The following APAF1 variants were observed in gnomAD, a reference collection of about 807,000 sequenced individuals.
APAF1 encodes the protein apoptotic protease-activating factor 1.
APAF1 carries 91 observed loss-of-function variants against 152.4 expected under a neutral mutation model. The ratio of observed to expected loss-of-function variants is 0.60; its 90% CI spans 0.50 to 0.71. The LOEUF (loss-of-function observed/expected upper bound fraction) is 0.71. Among genes scored for constraint, APAF1 ranks in the 30% least tolerant of loss-of-function variants. The pLI is 0.00. For missense variants in APAF1, 1,283 were observed against 1,472.0 expected, an observed-to-expected ratio of 0.87 and a Z score of 2.10; for synonymous variants, 484 against 494.1, an observed-to-expected ratio of 0.98 and a Z score of 0.27.
chr12:98,714,324 T>C (rs931072106), intron 21 of APAF1, among the ~76,000 whole-genome samples: 1 of 152,246 alleles, frequency 6.6e-6, no homozygotes, highest in Non-Finnish European at 1.5e-5. Flanking sequence ...ATGAACCATG[T>C]GAAATTACCA....
chr12:98,735,101 A>T lies in APAF1; in HGVS notation c.*2535A>T. On this transcript the variant is annotated 3_prime_UTR_variant, in exon 27 of 27. Transcript: ENST00000551964. ...TGTCTTAAAAGAAAAATGGGAAGAAAGACAAGGTAACATGAAGAAAGAAGA... is the reference window on the plus strand; with the variant it reads ...TGTCTTAAAAGAAAAATGGGAAGAATGACAAGGTAACATGAAGAAAGAAGA... 2 of 398,444 alleles carry T rather than the reference A, an allele frequency of 5.0e-6. No individual in the cohort carries two copies. 24.7% of individuals were successfully genotyped at this position (398,444 alleles called of 1,614,324 possible). A position where few individuals can be genotyped will look rare whatever the true frequency, so the allele number is the denominator to read the frequency against.
intron 24 of APAF1, among the ~76,000 whole-genome samples, chr12:98,724,509 C>T (rs967540325): frequency 6.6e-6 from 1 of 152,198 alleles, no homozygotes; most frequent in Non-Finnish European, 1.5e-5. Context: ...TACTTTCCAA[C>T]TTCATCTTTT....
intron 16 of APAF1, among the ~76,000 whole-genome samples, chr12:98,696,891 G>GA (rs573847110): frequency 2.0e-5 from 3 of 151,992 alleles, no homozygotes; most frequent in South Asian, 2.1e-4. Context: ...CCCTGAAAAA[G>GA]AAAAAAGTAT....
intron 16 of APAF1, among the ~76,000 whole-genome samples, chr12:98,693,193 A>T (rs1321594915): frequency 2.0e-5 from 3 of 152,028 alleles, no homozygotes; most frequent in Non-Finnish European, 4.4e-5. Flanking sequence ...TGGCTACTGT[A>T]AATGGGATTG....
At chr12:98,712,038 A>G (rs2097728410) in intron 20 of APAF1, among the ~76,000 whole-genome samples, 1 of 152,212 alleles carries the variant, frequency 6.6e-6, no homozygotes, top group African/African-American at 2.4e-5. Flanking sequence ...TACAAATCAG[A>G]TAGATGTGTC....
chr12:98,658,580 C>G (rs932963370), intron 4 of APAF1, among the ~76,000 whole-genome samples: 2 of 152,184 alleles, frequency 1.3e-5, no homozygotes, highest in East Asian at 3.8e-4. Context: ...AGACTTGAGT[C>G]TAACTTCCTA....
intron 26 of APAF1, among the ~76,000 whole-genome samples, chr12:98,729,302 G>C (rs2097756435): frequency 6.6e-6 from 1 of 152,196 alleles, no homozygotes; most frequent in South Asian, 2.1e-4. Context: ...CCACAGATGG[G>C]GTGGTGGTAG....
chr12:98,671,226 T>A (rs1284049459), intron 11 of APAF1, 140 bp downstream of exon 11: 1 of 677,494 alleles, frequency 1.5e-6, no homozygotes, highest in Non-Finnish European at 2.5e-6. Flanking sequence ...GTTATTCTAA[T>A]TAATTTGCTT....
Position 98,683,189 on chromosome 12 carries a change from A to T in APAF1, c.2093A>T (p.His698Leu). 1 of 1,613,606 alleles carries T rather than the reference A, an allele frequency of 6.2e-7. No homozygotes were observed. The highest frequency in any genetic ancestry group is 8.5e-7 in the Non-Finnish European group (1 of 1,179,624). ...TGELVHTYDE[H>L]SEQVNCCHFT... ...GAACTAGTACACACCTATGATGAGC[A>T]CTCAGAGCAAGTCAATTGCTGCCAT... The change falls in exon 15 of 27, where the codon CAC becomes CTC. Residue 698 changes from histidine (H) to leucine (L), a missense_variant. By Grantham distance (99) the His-to-Leu change is moderately conservative. Coordinates refer to ENST00000551964, the MANE Select transcript of APAF1 (RefSeq NM_181861.2).
chr12:98,732,695 GT>G lies in APAF1; in HGVS notation c.*132del. ...GCAGTATTGCATTCATTACAAAAGT[GT>G]TTGTGGTTGGATGAATAATATTAAT... On this transcript the variant is annotated 3_prime_UTR_variant, in exon 27 of 27. Transcript: ENST00000551964. The G allele has an allele frequency of 1.5e-6, 1 of 653,994 alleles. No individual in the cohort carries two copies. Among genetic ancestry groups the G allele is most frequent in the South Asian group, 2.0e-5 (1 of 50,716 alleles). 40.5% of individuals were successfully genotyped at this position (653,994 alleles called of 1,614,324 possible). A position where few individuals can be genotyped will look rare whatever the true frequency, so the allele number is the denominator to read the frequency against.
intron 21 of APAF1, 127 bp from the exon 22 acceptor site, chr12:98,715,296 TTTAA>T (rs2097733471): frequency 2.2e-6 from 1 of 452,104 alleles, no homozygotes; most frequent in Non-Finnish European, 3.9e-6. Context: ...TTCATTTGTT[TTTAA>T]TTAGGCTGGA....
intron 6 of APAF1, 34 bp from the exon 7 acceptor site, chr12:98,662,641 A>G (rs768692708): frequency 6.2e-7 from 1 of 1,611,876 alleles, no homozygotes; most frequent in South Asian, 1.1e-5. Flanking sequence ...GACATACCAA[A>G]TTACTTACTT....
chr12:98,683,011 A>G (rs996509697), intron 14 of APAF1, 132 bp from the exon 15 acceptor site: 7 of 750,278 alleles, frequency 9.3e-6, no homozygotes, highest in South Asian at 3.2e-5. Flanking sequence ...TTTCATTAGC[A>G]TCTTGTCCAA....
chr12:98,727,546 C>T (rs1251746144), intron 26 of APAF1, among the ~76,000 whole-genome samples: 1 of 116,060 alleles, frequency 8.6e-6, no homozygotes, highest in Admixed American at 8.5e-5. Context: ...CATCCTGTCT[C>T]AAAAAAAAAA....
At chr12:98,710,645 A>G (rs1007487040) in intron 20 of APAF1, among the ~76,000 whole-genome samples, 2 of 152,114 alleles carry the variant, frequency 1.3e-5, no homozygotes, top group Non-Finnish European at 2.9e-5. Flanking sequence ...GCTGGTCTTG[A>G]ACTCCTGGCC....
In APAF1 at chr12:98,660,440, A is replaced by G. The variant is rs192787984; in HGVS notation, c.710+1097A>G. ...ATATACGTGTAACTCTTCTACTTCC[A>G]TGTACTTCAGGAGTGAGTTTGTTTT... is the stretch of plus-strand genomic sequence containing the variant. On this transcript the variant is annotated intron_variant, in intron 5 of 26. Coordinates refer to ENST00000551964, the MANE Select transcript of APAF1 (RefSeq NM_181861.2). Among the ~76,000 whole-genome samples, 454 of 152,112 alleles carry G rather than the reference A, an allele frequency of 3.0e-3. 1 individual carries two copies. The highest frequency in any genetic ancestry group is 0.011 in the African/African-American group (438 of 41,524).
intron 12 of APAF1, among the ~76,000 whole-genome samples, chr12:98,674,070 A>C (rs2097683879): frequency 6.6e-6 from 1 of 152,136 alleles, no homozygotes; most frequent in Non-Finnish European, 1.5e-5. Flanking sequence ...ATCACTGCTC[A>C]CTGTAGCCTT....
chr12:98,706,737 C>T, intron 19 of APAF1, 127 bp downstream of exon 19: 2 of 1,118,128 alleles, frequency 1.8e-6, no homozygotes, highest in Non-Finnish European at 2.7e-6. Context: ...TTCCTATTCA[C>T]CCTGGAAAAG....
At chr12:98,712,580 G>A (rs2097729180) in intron 21 of APAF1, 145 bp downstream of exon 21, 1 of 644,624 alleles carries the variant, frequency 1.6e-6, no homozygotes, top group Non-Finnish European at 2.8e-6. Flanking sequence ...ACAGTGACAC[G>A]ATCACAGCCG....
Sources: allele counts gnomAD v4.1 joint callset (sites outside exome capture counted in the v4.1 genomes callset), GRCh38; gene constraint gnomAD v4.1.1; transcripts MANE v1.5; gene names NCBI Gene and HGNC (gene_info 2026-07-23, HGNC 2026-07-21).